The following DCP1A variants were observed in gnomAD, a reference collection of about 807,000 sequenced individuals.
DCP1A encodes decapping mRNA 1A.
In DCP1A, 20 loss-of-function variants were observed where a neutral mutation model predicts 58.0. That is an observed-to-expected ratio of 0.34 (90% confidence interval 0.24 to 0.50). DCP1A has a LOEUF of 0.50. Among genes scored for constraint, DCP1A ranks in the 20% least tolerant of loss-of-function variants. The probability of loss-of-function intolerance (pLI) is 0.98; values close to 1 mark genes in which losing one functional copy is unlikely to be tolerated. For missense variants in DCP1A, 613 were observed against 712.2 expected, an observed-to-expected ratio of 0.86 and a Z score of 1.59; for synonymous variants, 285 against 275.1, an observed-to-expected ratio of 1.04 and a Z score of -0.36.
At chr3:53,332,330 T>A (rs529232314) in intron 3 of DCP1A, among the ~76,000 whole-genome samples, 72 of 152,350 alleles carry the variant, frequency 4.7e-4, no homozygotes, top group Non-Finnish European at 7.9e-4. Flanking sequence ...AATCTATTTA[T>A]TCCTAAGTAA....
intron 5 of DCP1A, among the ~76,000 whole-genome samples, chr3:53,304,992 C>T (rs1288813818): frequency 6.6e-6 from 1 of 152,074 alleles, no homozygotes; most frequent in African/African-American, 2.4e-5. Flanking sequence ...ACAGTTCCAT[C>T]ATCCAAAAAA....
At chr3:53,298,676 G>C (rs7649323) in intron 6 of DCP1A, among the ~76,000 whole-genome samples, 44,582 of 152,038 alleles carry the variant, frequency 0.29, 7,550 homozygotes, top group Admixed American at 0.39. Context: ...CAAAGTATAG[G>C]TTACCTAATC....
chr3:53,296,186 C>T (rs1021512752), intron 6 of DCP1A, among the ~76,000 whole-genome samples: 10 of 152,200 alleles, frequency 6.6e-5, no homozygotes, highest in Non-Finnish European at 1.3e-4. Context: ...TGAGCCACCG[C>T]GCCCGGCCCA....
chr3:53,291,647 A>C (rs1706879682), intron 7 of DCP1A, among the ~76,000 whole-genome samples: 1 of 152,102 alleles, frequency 6.6e-6, no homozygotes, highest in Admixed American at 6.6e-5. Flanking sequence ...AAGGTGATGT[A>C]AATATGGGCA....
At chr3:53,334,906 T>C (rs1227922282) in intron 3 of DCP1A, among the ~76,000 whole-genome samples, 3 of 151,864 alleles carry the variant, frequency 2.0e-5, no homozygotes, top group African/African-American at 7.3e-5. Context: ...GATTACTGAA[T>C]TATTGGTTTT....
intron 6 of DCP1A, among the ~76,000 whole-genome samples, chr3:53,298,609 T>C (rs930592523): frequency 2.6e-5 from 4 of 152,228 alleles, no homozygotes; most frequent in African/African-American, 9.6e-5. Flanking sequence ...AACTCAGTTC[T>C]AACAATACAG....
Position 53,347,478 on chromosome 3 carries a change from C to A in DCP1A, c.40G>T (p.Ala14Ser), listed in dbSNP as rs1363231091. 6.2e-7 allele frequency: 1 copy of A among 1,613,566 alleles called. No homozygotes were observed. Among genetic ancestry groups the A allele is most frequent in the East Asian group, 2.2e-5 (1 of 44,780 alleles). Residue 14 changes from alanine to serine, a missense_variant, in exon 1 of 10, where the codon GCG becomes TCG. Physicochemically the swap from Ala to Ser is moderately conservative, Grantham distance 99 (BLOSUM62 1). Around this residue, in one of 3 missense-constraint regions of DCP1A, gnomAD observed 50 missense variants for 37.0 expected, o/e 1.35. Transcript: ENST00000610213. ...LSRAGQEMSL[A>S]ALKQHDPYIT... ...TAGGGGTCGTGTTGCTTCAGGGCCG[C>A]TAGGCTCATCTCCTGCCCAGCTCGA...
At chr3:53,320,374 T>C (rs1294984660) in intron 3 of DCP1A, among the ~76,000 whole-genome samples, 1 of 96,564 alleles carries the variant, frequency 1.0e-5, no homozygotes, top group Non-Finnish European at 2.4e-5. Context: ...TAACTGCTTT[T>C]TGGATAAGGT....
Position 53,292,192 on chromosome 3 carries a change from G to C in DCP1A, c.1260C>G (p.Ser420Arg). ...QPLGKGAMVA[S>R]FSPAAGQLAT... ...CTAGCTGACCAGCTGCCGGAGAAAA[G>C]CTGGCTACCATTGCACCTTTCCCAA... Residue 420 changes from serine to arginine, a missense_variant, in exon 7 of 10, where the codon AGC (serine) becomes AGG (arginine). Ser to Arg is a moderately radical substitution (Grantham distance 110). Around this residue, in one of 3 missense-constraint regions of DCP1A, gnomAD observed 498 missense variants for 556.7 expected, o/e 0.89. Transcript: ENST00000610213. The C allele has an allele frequency of 6.2e-7, 1 of 1,614,010 alleles. No individual in the cohort carries two copies. The highest frequency in any genetic ancestry group is 8.5e-7 in the Non-Finnish European group (1 of 1,179,900).
intron 3 of DCP1A, among the ~76,000 whole-genome samples, chr3:53,329,701 T>C (rs576071352): frequency 1.3e-5 from 2 of 152,354 alleles, no homozygotes; most frequent in Admixed American, 1.3e-4. Context: ...AATGTCTGTG[T>C]TCTTTTGAAA....
Position 53,342,202 on chromosome 3 carries a change from C to T in DCP1A, c.246G>A (p.Val82=). 2 of 1,604,014 alleles carry T rather than the reference C, an allele frequency of 1.2e-6. No homozygotes were observed. Among genetic ancestry groups the T allele is most frequent in the East Asian group, 2.2e-5 (1 of 44,646 alleles). The part of the protein sequence containing the change: ...RLNMHNLVEP[V]NKDLEFQLHE... The stretch of plus-strand genomic sequence containing the variant: ...GGAGCTGAAATTCCAAATCTTTATT[C>T]ACTGGTTCAACTAGATTGTGCATAT... The change falls in exon 3 of 10, where the codon GTG becomes GTA. Residue 82 remains valine, a synonymous_variant. Transcript: ENST00000610213.
intron 3 of DCP1A, among the ~76,000 whole-genome samples, chr3:53,337,851 T>C (rs1403050213): frequency 6.6e-6 from 1 of 152,222 alleles, no homozygotes; most frequent in African/African-American, 2.4e-5. Context: ...AATTCTAATA[T>C]ATTAAATTAA....
chr3:53,329,499 T>G, intron 3 of DCP1A: 1 of 397,150 alleles, frequency 2.5e-6, no homozygotes, highest in Non-Finnish European at 4.4e-6. Flanking sequence ...AAATTATACT[T>G]AAGAGGTAAT....
At chr3:53,326,003 G>A (rs371967524) in intron 3 of DCP1A, among the ~76,000 whole-genome samples, 2 of 152,272 alleles carry the variant, frequency 1.3e-5, no homozygotes, top group East Asian at 1.9e-4. Context: ...TAGAGAAAGA[G>A]TCCAACTTCT....
chr3:53,287,802 A>C, intron 9 of DCP1A, 142 bp from the exon 10 acceptor site: 1 of 673,850 alleles, frequency 1.5e-6, no homozygotes, highest in Non-Finnish European at 2.6e-6. Context: ...AATCATGATT[A>C]ATATTTTGAG....
intron 3 of DCP1A, among the ~76,000 whole-genome samples, chr3:53,327,115 T>C (rs1553690665): frequency 1.3e-5 from 2 of 151,942 alleles, no homozygotes; most frequent in African/African-American, 4.8e-5. Flanking sequence ...TTCCTAGGCT[T>C]CCAAAAATCT....
Position 53,292,616 on chromosome 3 carries a change from G to A in DCP1A, c.836C>T (p.Ala279Val), listed in dbSNP as rs782234532. 28 of 1,613,770 alleles carry A rather than the reference G, an allele frequency of 1.7e-5. No homozygotes were observed. Among genetic ancestry groups the A allele is most frequent in the Non-Finnish European group, 2.1e-5 (25 of 1,179,780 alleles). The change falls in exon 7 of 10, where the codon GCT becomes GTT. Residue 279 changes from alanine to valine, a missense_variant. By Grantham distance (64) the Ala-to-Val change is moderately conservative. Transcript: ENST00000610213. Reference sequence around the variant, plus strand: ...TTCAGGCTGGACTGAATGGTGGGCAGCAGAAGGGACACCCAGGGTTTCTGA... The same window carrying A: ...TTCAGGCTGGACTGAATGGTGGGCAACAGAAGGGACACCCAGGGTTTCTGA... ...PQSETLGVPSAAHHSVQPEIT... is the reference protein window; with the variant it reads ...PQSETLGVPSVAHHSVQPEIT...
At chr3:53,297,817 C>G (rs1186347344) in intron 6 of DCP1A, among the ~76,000 whole-genome samples, 1 of 152,150 alleles carries the variant, frequency 6.6e-6, no homozygotes, top group African/African-American at 2.4e-5. Context: ...AAGGAATAAT[C>G]AAATGGCAGG....
intron 1 of DCP1A, among the ~76,000 whole-genome samples, 158 bp from the exon 2 acceptor site, chr3:53,345,100 C>T (rs2089276476): frequency 6.6e-6 from 1 of 152,074 alleles, no homozygotes; most frequent in African/African-American, 2.4e-5. Flanking sequence ...CCTCTCATTC[C>T]ACAAATTGTG....
Sources: allele counts gnomAD v4.1 joint callset (sites outside exome capture counted in the v4.1 genomes callset), GRCh38; gene constraint gnomAD v4.1.1; regional missense constraint gnomAD v4.1.1; transcripts MANE v1.5; gene names NCBI Gene and HGNC (gene_info 2026-07-23, HGNC 2026-07-21).